PTPRD: variants seen among roughly 807,000 people sequenced by gnomAD.
PTPRD encodes the protein receptor-type tyrosine-protein phosphatase delta.
In PTPRD, 34 loss-of-function variants were observed where a neutral mutation model predicts 214.5. That is an observed-to-expected ratio of 0.16 (90% confidence interval 0.12 to 0.21). The LOEUF is 0.21. Ranked by LOEUF, PTPRD falls within the 10% of genes least tolerant of loss-of-function variation. PTPRD has a pLI of 1.00. For missense variants in PTPRD, 2,545 were observed against 2,398.7 expected, an observed-to-expected ratio of 1.06 and a Z score of -1.27; for synonymous variants, 1,128 against 845.7, an observed-to-expected ratio of 1.33 and a Z score of -5.79.
chr9:9,865,931 C>T (rs866198995), intron 5 of PTPRD, among the ~76,000 whole-genome samples: 5 of 152,252 alleles, frequency 3.3e-5, no homozygotes, highest in South Asian at 4.1e-4. Flanking sequence ...CTGAAGACAG[C>T]GTCCCTCAGT....
chr9:9,909,316 AG>A (rs1354496753), intron 5 of PTPRD, among the ~76,000 whole-genome samples: 2 of 138,192 alleles, frequency 1.4e-5, no homozygotes, highest in African/African-American at 2.7e-5. Flanking sequence ...TTAATCTGAA[AG>A]TTTTTTTTTT....
At chr9:9,317,301 C>T (rs537359311) in intron 9 of PTPRD, among the ~76,000 whole-genome samples, 1 of 152,310 alleles carries the variant, frequency 6.6e-6, no homozygotes, top group African/African-American at 2.4e-5. Flanking sequence ...AAGCTAAAAT[C>T]CCATTCATTC....
At chr9:10,017,941 G>A (rs931646948) in intron 4 of PTPRD, among the ~76,000 whole-genome samples, 1 of 152,124 alleles carries the variant, frequency 6.6e-6, no homozygotes, top group Non-Finnish European at 1.5e-5. Context: ...CAGAACAGCA[G>A]GGGTCCCCAG....
At chr9:9,929,240 C>T (rs912197331) in intron 5 of PTPRD, among the ~76,000 whole-genome samples, 35 of 152,278 alleles carry the variant, frequency 2.3e-4, no homozygotes, top group Non-Finnish European at 4.6e-4. Flanking sequence ...AGTAAATTAA[C>T]AATTAAAATG....
At chr9:8,930,294 TC>T (rs1234854109) in intron 11 of PTPRD, among the ~76,000 whole-genome samples, 2 of 152,050 alleles carry the variant, frequency 1.3e-5, no homozygotes, top group Admixed American at 1.3e-4. Flanking sequence ...CATGAACTCA[TC>T]CTTTTTAATG....
intron 30 of PTPRD, among the ~76,000 whole-genome samples, chr9:8,471,325 C>G (rs1019484223): frequency 7.9e-5 from 12 of 152,074 alleles, no homozygotes; most frequent in Non-Finnish European, 1.5e-4. Flanking sequence ...GTGGACTGCT[C>G]TTTATTAGGT....
At chr9:10,096,161 A>G (rs1463379100) in intron 3 of PTPRD, among the ~76,000 whole-genome samples, 1 of 151,658 alleles carries the variant, frequency 6.6e-6, no homozygotes, top group African/African-American at 2.4e-5. Flanking sequence ...CAATAATGTT[A>G]TTTCTTCTAC....
intron 2 of PTPRD, among the ~76,000 whole-genome samples, chr9:10,448,366 A>C (rs2098813903): frequency 6.6e-6 from 1 of 152,016 alleles, no homozygotes; most frequent in Admixed American, 6.5e-5. Flanking sequence ...GTGTTTCTGA[A>C]CAGACTAAAG....
At chr9:10,392,834 G>A (rs543882401) in intron 2 of PTPRD, among the ~76,000 whole-genome samples, 68 of 151,950 alleles carry the variant, frequency 4.5e-4, no homozygotes, top group African/African-American at 1.6e-3. Context: ...TGCTATTTTG[G>A]AAGTACAGAC....
At chr9:8,996,032 G>C (rs988808119) in intron 11 of PTPRD, among the ~76,000 whole-genome samples, 2 of 151,960 alleles carry the variant, frequency 1.3e-5, no homozygotes, top group Admixed American at 1.3e-4. Flanking sequence ...ATGCTATTTT[G>C]AAAAACAGTT....
intron 12 of PTPRD, among the ~76,000 whole-genome samples, chr9:8,671,979 G>A (rs983268976): frequency 6.6e-6 from 1 of 152,058 alleles, no homozygotes; most frequent in Non-Finnish European, 1.5e-5. Context: ...AACATCTCAC[G>A]AGTCCATAAA....
chr9:9,381,334 C>T (rs1426811605), intron 9 of PTPRD, among the ~76,000 whole-genome samples: 3 of 149,274 alleles, frequency 2.0e-5, no homozygotes, highest in Admixed American at 1.3e-4. Flanking sequence ...TCAATTTTCT[C>T]TCTTTTCTTA....
chr9:10,377,523 G>A (rs966758541), intron 2 of PTPRD, among the ~76,000 whole-genome samples: 2 of 151,524 alleles, frequency 1.3e-5, no homozygotes, highest in Non-Finnish European at 2.9e-5. Context: ...TCCCACCTAT[G>A]AGTGAGAACA....
intron 5 of PTPRD, among the ~76,000 whole-genome samples, chr9:9,793,832 A>G (rs773168874): frequency 4.6e-5 from 7 of 152,150 alleles, no homozygotes; most frequent in Non-Finnish European, 1.0e-4. Flanking sequence ...AGTATAAAAT[A>G]GTAACAATAT....
At chr9:10,383,738 G>A (rs772367952) in intron 2 of PTPRD, among the ~76,000 whole-genome samples, 4 of 151,572 alleles carry the variant, frequency 2.6e-5, no homozygotes, top group African/African-American at 4.8e-5. Context: ...TTGGGTCATC[G>A]TCATCCTATA....
At chr9:9,189,405 T>C (rs921936413) in intron 9 of PTPRD, among the ~76,000 whole-genome samples, 3 of 152,214 alleles carry the variant, frequency 2.0e-5, no homozygotes, top group Admixed American at 2.0e-4. Context: ...ACTCTCATCA[T>C]AAATTCATTT....
intron 3 of PTPRD, among the ~76,000 whole-genome samples, chr9:10,175,781 C>T (rs1446345233): frequency 2.0e-5 from 3 of 151,988 alleles, no homozygotes; most frequent in African/African-American, 4.8e-5. Context: ...ATAGCCTTGA[C>T]GTATGAGGTT....
rs537430120 is a variant in PTPRD at position 9,314,883 on chromosome 9, G to A, written c.-203+82566C>T. Reference sequence around the variant, plus strand: ...AGGCACAAAGGACCTTTTTTTCCTCGTCATTGTCTTCTTTGTTTCTCCAGA... The same window carrying A: ...AGGCACAAAGGACCTTTTTTTCCTCATCATTGTCTTCTTTGTTTCTCCAGA... On this transcript the variant is annotated intron_variant, in intron 9 of 45. Coordinates refer to ENST00000381196, the MANE Select transcript of PTPRD (RefSeq NM_002839.4). 5.9e-5 allele frequency among the ~76,000 whole-genome samples: 9 copies of A among 151,682 alleles called. No individual in the cohort carries two copies. The South Asian group carries it at 8.3e-4, about 14-fold the overall frequency.
chr9:8,553,863 C>A lies in PTPRD; in HGVS notation c.353-25084G>T, dbSNP rs368765304. 2.8e-3 allele frequency among the ~76,000 whole-genome samples: 423 copies of A among 152,196 alleles called. 21 individuals are homozygous for A. In the South Asian group the frequency reaches 0.087, roughly 31 times the overall value. On this transcript the variant is annotated intron_variant, in intron 14 of 45. Coordinates refer to ENST00000381196, the MANE Select transcript of PTPRD (RefSeq NM_002839.4). ...CTACAGTATGGTACAAAAAAGAAGG[C>A]GGCCAGTCTCTTACGAAATTCAGAG...
Sources: gnomAD v4.1 joint callset for allele counts (sites outside exome capture counted in the v4.1 genomes callset) on GRCh38, gnomAD v4.1.1 for gene constraint, MANE v1.5 for transcripts, NCBI Gene and HGNC (gene_info 2026-07-23, HGNC 2026-07-21) for gene names.